PLEKHA6: variants seen among roughly 807,000 people sequenced by gnomAD.
The protein encoded by PLEKHA6 is pleckstrin homology domain-containing family A member 6.
PLEKHA6 carries 60 observed loss-of-function variants against 116.7 expected under a neutral mutation model. The ratio of observed to expected loss-of-function variants is 0.51; its 90% CI spans 0.42 to 0.64. The LOEUF (loss-of-function observed/expected upper bound fraction) is 0.64. Ranked by LOEUF, PLEKHA6 falls within the 30% of genes least tolerant of loss-of-function variation. The pLI, the probability that PLEKHA6 is intolerant of heterozygous loss-of-function variation, is 0.00. For missense variants in PLEKHA6, 1,338 were observed against 1,422.7 expected (o/e 0.94, Z 0.96); for synonymous variants, 489 against 556.1 (o/e 0.88, Z 1.70).
At chr1:204,276,497 G>A (rs1284874531) in intron 1 of PLEKHA6, among the ~76,000 whole-genome samples, 2 of 152,068 alleles carry the variant, frequency 1.3e-5, no homozygotes, top group Non-Finnish European at 2.9e-5. Flanking sequence ...TGGCAACTAC[G>A]GTGTCCTTTG....
chr1:204,350,912 GGA>G (rs1673257289), intron 1 of PLEKHA6, among the ~76,000 whole-genome samples: 1 of 152,230 alleles, frequency 6.6e-6, no homozygotes, highest in Non-Finnish European at 1.5e-5. Flanking sequence ...GTCCCACGAG[GGA>G]GAGAGGAGAG....
chr1:204,283,167 C>G (rs1025495867), intron 1 of PLEKHA6, among the ~76,000 whole-genome samples: 1 of 152,118 alleles, frequency 6.6e-6, no homozygotes, highest in Non-Finnish European at 1.5e-5. Flanking sequence ...TGGTGTCCTA[C>G]GGAGAGCAGC....
chr1:204,258,637 C>T (rs943602340), intron 8 of PLEKHA6, among the ~76,000 whole-genome samples: 5 of 152,246 alleles, frequency 3.3e-5, no homozygotes, highest in African/African-American at 1.2e-4. Flanking sequence ...GCCCAAATCC[C>T]CAGGGAAGGA....
chr1:204,319,093 G>C (rs940951083), intron 1 of PLEKHA6, among the ~76,000 whole-genome samples: 68 of 152,304 alleles, frequency 4.5e-4, no homozygotes, highest in African/African-American at 1.5e-3. Flanking sequence ...CTCTAGAACT[G>C]ACCCTGTGCC....
chr1:204,358,378 A>G (rs1343134916), intron 1 of PLEKHA6, among the ~76,000 whole-genome samples: 1 of 152,136 alleles, frequency 6.6e-6, no homozygotes, highest in African/African-American at 2.4e-5. Flanking sequence ...GTCCTGCTGA[A>G]GCTAAAATGC....
At chr1:204,346,586 C>T (rs191236822) in intron 1 of PLEKHA6, among the ~76,000 whole-genome samples, 66 of 152,118 alleles carry the variant, frequency 4.3e-4, no homozygotes, top group Non-Finnish European at 6.9e-4. Context: ...GAAGATGGCT[C>T]GGCAGGAAAC....
intron 1 of PLEKHA6, among the ~76,000 whole-genome samples, chr1:204,373,087 T>C (rs148215273): frequency 1.2e-5 from 1 of 84,014 alleles, no homozygotes; most frequent in Non-Finnish European, 2.2e-5. Context: ...TTTTTCTTTC[T>C]TTTTTTTTTT....
In PLEKHA6 at chr1:204,228,849, C is replaced by A; in HGVS notation, c.2764G>T (p.Asp922Tyr). The change falls in exon 20 of 23, where the codon GAC (aspartate) becomes TAC (tyrosine). Residue 922 changes from aspartate to tyrosine, a missense_variant. Around this residue, in one of 3 missense-constraint regions of PLEKHA6, gnomAD observed 1,136 missense variants for 1,163.6 expected, o/e 0.98. Coordinates refer to ENST00000272203, the MANE Select transcript of PLEKHA6 (RefSeq NM_014935.5). This position sits in a 1 kb window ranked among gnomAD's most constrained non-coding sequence, Gnocchi z 4.0. Reference protein sequence around the residue: ...VDINKELSTPDKVLIPERYID... With the variant: ...VDINKELSTPYKVLIPERYID... ...TACCGTTCAGGGATGAGGACTTTGTCTGGAGTGGAGAGCTATGGAGGGGCT... is the reference window on the plus strand; with the variant it reads ...TACCGTTCAGGGATGAGGACTTTGTATGGAGTGGAGAGCTATGGAGGGGCT... The A allele has an allele frequency of 6.2e-7, 1 of 1,614,134 alleles. No homozygotes were observed. Among genetic ancestry groups the A allele is most frequent in the Non-Finnish European group, 8.5e-7 (1 of 1,180,004 alleles).
At chr1:204,325,335 AG>A (rs1672204689) in intron 1 of PLEKHA6, among the ~76,000 whole-genome samples, 2 of 152,324 alleles carry the variant, frequency 1.3e-5, no homozygotes, top group Admixed American at 1.3e-4. Context: ...GAGGGCTGCC[AG>A]GGGGAGAATC....
chr1:204,309,235 CA>C (rs1671561588), intron 1 of PLEKHA6: 1 of 167,502 alleles, frequency 6.0e-6, no homozygotes, highest in Non-Finnish European at 1.2e-5. Flanking sequence ...CTCCAAGCTT[CA>C]GTCCCATGAG....
At chr1:204,369,700 C>A (rs1393911954) in intron 2 of PLEKHA6, 1 of 152,208 alleles carries the variant, frequency 6.6e-6, no homozygotes, top group Non-Finnish European at 1.5e-5. Context: ...CCCTTCCCAG[C>A]CTTAGACAAC....
chr1:204,353,387 T>C (rs1673336041), intron 1 of PLEKHA6, among the ~76,000 whole-genome samples: 1 of 152,178 alleles, frequency 6.6e-6, no homozygotes, highest in Non-Finnish European at 1.5e-5. Context: ...ATCCAAAGCT[T>C]CATATATCCA....
chr1:204,358,900 C>G (rs1673489497), intron 1 of PLEKHA6, among the ~76,000 whole-genome samples: 2 of 151,446 alleles, frequency 1.3e-5, no homozygotes, highest in African/African-American at 4.8e-5. Flanking sequence ...CTCCCTTCTC[C>G]CCCACCCCCG....
intron 1 of PLEKHA6, among the ~76,000 whole-genome samples, chr1:204,345,700 C>T (rs1032125424): frequency 6.6e-6 from 1 of 152,158 alleles, no homozygotes; most frequent in Non-Finnish European, 1.5e-5. Flanking sequence ...ACAGCAGGGC[C>T]AACAATGACT....
chr1:204,289,329 A>G (rs1176906446), intron 1 of PLEKHA6, among the ~76,000 whole-genome samples: 2 of 152,108 alleles, frequency 1.3e-5, no homozygotes, highest in African/African-American at 2.4e-5. Flanking sequence ...CACACCCACA[A>G]TTAATAGCCC....
At chr1:204,297,023 G>T in intron 1 of PLEKHA6, 1 of 704,242 alleles carries the variant, frequency 1.4e-6, no homozygotes, top group Non-Finnish European at 1.7e-6. Flanking sequence ...ACCATAACCA[G>T]AGAGCCACCG....
chr1:204,224,696 C>T (rs544841974), intron 21 of PLEKHA6, among the ~76,000 whole-genome samples: 8 of 152,334 alleles, frequency 5.3e-5, no homozygotes, highest in Non-Finnish European at 7.3e-5. Flanking sequence ...TTACACTCAT[C>T]GCACACAGCT....
intron 1 of PLEKHA6, among the ~76,000 whole-genome samples, chr1:204,329,774 C>T (rs1672381976): frequency 6.6e-6 from 1 of 151,996 alleles, no homozygotes; most frequent in African/African-American, 2.4e-5. Context: ...ATCACCCAAG[C>T]TGCATGCAGT....
intron 1 of PLEKHA6, among the ~76,000 whole-genome samples, chr1:204,343,102 C>T (rs1030398377): frequency 6.6e-6 from 1 of 152,176 alleles, no homozygotes; most frequent in African/African-American, 2.4e-5. Context: ...AGCCTGACAG[C>T]TGTCCGTGGG....
Sources: allele counts gnomAD v4.1 joint callset (sites outside exome capture counted in the v4.1 genomes callset), GRCh38; gene constraint gnomAD v4.1.1; regional missense constraint gnomAD v4.1.1; non-coding constraint Gnocchi (gnomAD v3.1); transcripts MANE v1.5; gene names NCBI Gene and HGNC (gene_info 2026-07-23, HGNC 2026-07-21).